Variants in FSIP1 observed in about 807,000 individuals in gnomAD.
FSIP1 encodes the protein fibrous sheath interacting protein 1.
Under a neutral mutation model 60.9 loss-of-function variants are expected in FSIP1, and 65 were observed. That is an observed-to-expected ratio of 1.07 (90% confidence interval 0.87 to 1.31). FSIP1 has a LOEUF of 1.31. FSIP1 is among the 40% of genes most tolerant of loss of function. The probability of loss-of-function intolerance (pLI) is 0.00; values close to 1 mark genes in which losing one functional copy is unlikely to be tolerated. For synonymous variants in FSIP1, 209 were observed against 221.2 expected (o/e 0.94, Z 0.49); for missense variants, 675 against 665.5 (o/e 1.01, Z -0.16).
chr15:39,597,596 T>C (rs1890500867), downstream of FSIP1: 6 of 152,174 alleles, frequency 3.9e-5, no homozygotes, highest in Admixed American at 3.9e-4. Flanking sequence ...CATTCACAGT[T>C]TGTATGTGAT....
At position 39,726,852 on chromosome 15, in the gene FSIP1, A is replaced by AACACACACAC. The variant is rs3065147; in HGVS notation, c.892-115_892-106dup. ...GCCCAGGTCTTCACATACACACACA[A>AACACACACAC]ACACACACACACACACACACAACAC... On this transcript the variant is annotated intron_variant, in intron 8 of 11. Transcript: ENST00000350221. The AACACACACAC allele has an allele frequency of 2.4e-3, 1,469 of 622,392 alleles. 4 individuals carry two copies. The highest frequency in any genetic ancestry group is 7.1e-3 in the African/African-American group (381 of 53,326). 38.6% of individuals were successfully genotyped at this position (622,392 alleles called of 1,614,324 possible).
intron 5 of FSIP1, among the ~76,000 whole-genome samples, chr15:39,744,808 C>CACACACACACACACACACAT (rs1190178000): frequency 6.6e-6 from 1 of 151,296 alleles, no homozygotes; most frequent in Admixed American, 6.6e-5. Flanking sequence ...CACACACACA[C>CACACACACACACACACACAT]ACAGTTCCCC....
At chr15:39,671,459 T>C (rs1313362958) in intron 10 of FSIP1, among the ~76,000 whole-genome samples, 1 of 152,182 alleles carries the variant, frequency 6.6e-6, no homozygotes, top group Non-Finnish European at 1.5e-5. Flanking sequence ...ATGAAGACTA[T>C]GTTAATGTTT....
At chr15:39,722,170 T>C (rs28457210) in intron 9 of FSIP1, among the ~76,000 whole-genome samples, 18,009 of 152,010 alleles carry the variant, frequency 0.12, 1,288 homozygotes, top group African/African-American at 0.2. Flanking sequence ...TATCATGAAC[T>C]GCACATGCAA....
intron 11 of FSIP1, among the ~76,000 whole-genome samples, chr15:39,615,930 A>ATT (rs1374033561): frequency 2.8e-3 from 421 of 151,972 alleles, no homozygotes; most frequent in African/African-American, 8.8e-3. Context: ...ATGTTTCAAA[A>ATT]TAACTAAGAG....
Position 39,671,521 on chromosome 15 carries a change from C to G in FSIP1, c.1188+41923G>C, listed in dbSNP as rs776447484. ...AAGGCTCCTGCAGACTGTTTTCATTCTATGCTACTACCCCACTCCTGGGCG... is the reference window on the plus strand; with the variant it reads ...AAGGCTCCTGCAGACTGTTTTCATTGTATGCTACTACCCCACTCCTGGGCG... On this transcript the variant is annotated intron_variant, in intron 10 of 11. Transcript: ENST00000350221. Among the ~76,000 whole-genome samples, 32 of 152,100 alleles carry G rather than the reference C, an allele frequency of 2.1e-4. 1 individual carries two copies. Among genetic ancestry groups the G allele is most frequent in the Non-Finnish European group, 4.0e-4 (27 of 68,012 alleles).
rs144312040 is a variant in FSIP1 at position 39,617,244 on chromosome 15, A to C, written c.1699+491T>G. Among the ~76,000 whole-genome samples, 126 of 152,336 alleles carry C rather than the reference A, an allele frequency of 8.3e-4. 2 individuals carry two copies. In the East Asian group the frequency reaches 0.021, roughly 25 times the overall value. ...TATTGTTGTATCCTGTACCATGACC[A>C]TTGCAAGATGAAACACTAGATCGTG... On this transcript the variant is annotated intron_variant, in intron 11 of 11. Transcript: ENST00000350221.
At chr15:39,713,038 A>G (rs369172131) in intron 10 of FSIP1, among the ~76,000 whole-genome samples, 10 of 152,342 alleles carry the variant, frequency 6.6e-5, no homozygotes, top group East Asian at 3.9e-4. Flanking sequence ...TTCACATAGT[A>G]TCTTACACAC....
At chr15:39,652,905 G>GT (rs71132109) in intron 10 of FSIP1, among the ~76,000 whole-genome samples, 5,414 of 152,264 alleles carry the variant, frequency 0.036, 127 homozygotes, top group Middle Eastern at 0.082. Context: ...GCTGAATACA[G>GT]TGGCTCATGC....
At chr15:39,737,007 G>T (rs1896634239) in intron 8 of FSIP1, among the ~76,000 whole-genome samples, 1 of 152,124 alleles carries the variant, frequency 6.6e-6, no homozygotes, top group South Asian at 2.1e-4. Flanking sequence ...CTGGGGCGTG[G>T]ATGCACAGAC....
intron 10 of FSIP1, among the ~76,000 whole-genome samples, chr15:39,628,475 G>T (rs1018019141): frequency 3.2e-4 from 49 of 152,346 alleles, no homozygotes; most frequent in African/African-American, 1.2e-3. Flanking sequence ...TGAGGCAGGA[G>T]AAGACCCTAA....
At chr15:39,670,482 T>C (rs1893674541) in intron 10 of FSIP1, among the ~76,000 whole-genome samples, 1 of 152,244 alleles carries the variant, frequency 6.6e-6, no homozygotes. Flanking sequence ...CTTTTGTCTT[T>C]TTCTTTTTCT....
intron 10 of FSIP1, among the ~76,000 whole-genome samples, chr15:39,631,201 A>T (rs575650811): frequency 6.6e-6 from 1 of 152,280 alleles, no homozygotes; most frequent in East Asian, 1.9e-4. Flanking sequence ...TCGCACCCCT[A>T]AAAACTCAGT....
intron 5 of FSIP1, among the ~76,000 whole-genome samples, chr15:39,751,751 G>A (rs190625762): frequency 1.8e-4 from 28 of 151,992 alleles, no homozygotes; most frequent in African/African-American, 6.5e-4. Flanking sequence ...ACAACTCAAG[G>A]ACTATAATTG....
chr15:39,635,415 C>A (rs1892091561), intron 10 of FSIP1, among the ~76,000 whole-genome samples: 1 of 151,994 alleles, frequency 6.6e-6, no homozygotes, highest in African/African-American at 2.4e-5. Flanking sequence ...GAAACTTTAT[C>A]CTGAAGAGGA....
In FSIP1 at chr15:39,712,970, G is replaced by A. The variant is rs74008679; in HGVS notation, c.1188+474C>T. ...AGGGAGAACTACCAAATTTTTCCAC[G>A]AAAAACAAATATTTGTGTCACTGTC... On this transcript the variant is annotated intron_variant, in intron 10 of 11. Transcript: ENST00000350221. Among the ~76,000 whole-genome samples, 1,226 of 152,114 alleles carry A rather than the reference G, an allele frequency of 8.1e-3. 16 individuals carry two copies. The highest frequency in any genetic ancestry group is 0.025 in the African/African-American group (1,051 of 41,520).
chr15:39,736,308 G>T (rs1434360015), intron 8 of FSIP1, among the ~76,000 whole-genome samples: 3 of 152,156 alleles, frequency 2.0e-5, no homozygotes, highest in Non-Finnish European at 4.4e-5. Context: ...ACCTTCACCT[G>T]CTCCTAGACA....
rs1896491825 is a variant in FSIP1, at chr15:39,733,526, C to T, written c.891+4565G>A. On this transcript the variant is annotated intron_variant, in intron 8 of 11. Coordinates refer to ENST00000350221, the MANE Select transcript of FSIP1 (RefSeq NM_152597.5). ...AGGTCCTATAGCCACCTGTGGCAGA[C>T]ACTGTCTACTGACTGACATGATCCC... 3.3e-5 allele frequency among the ~76,000 whole-genome samples: 5 copies of T among 152,198 alleles called. 1 individual carries two copies. Among genetic ancestry groups the T allele is most frequent in the Admixed American group, 3.3e-4 (5 of 15,290 alleles).
chr15:39,703,019 G>C, intron 10 of FSIP1, among the ~76,000 whole-genome samples: 1 of 123,082 alleles, frequency 8.1e-6, no homozygotes, highest in Non-Finnish European at 1.7e-5. Context: ...TTTCATTCTT[G>C]TTGCCCAGGC....
Sources: gnomAD v4.1 joint callset for allele counts (sites outside exome capture counted in the v4.1 genomes callset) on GRCh38, gnomAD v4.1.1 for gene constraint, MANE v1.5 for transcripts, NCBI Gene and HGNC (gene_info 2026-07-23, HGNC 2026-07-21) for gene names.